The following B4GALNT3 variants were observed in gnomAD, a reference collection of about 807,000 sequenced individuals.
The protein encoded by B4GALNT3 is beta-1,4-N-acetylgalactosaminyltransferase 3.
Under a neutral mutation model 120.2 loss-of-function variants are expected in B4GALNT3, and 86 were observed. The observed-to-expected ratio is 0.72, with a 90% CI of 0.60 to 0.86. The LOEUF (loss-of-function observed/expected upper bound fraction) is 0.86. Among genes scored for constraint, B4GALNT3 ranks in the 40% least tolerant of loss-of-function variants. The pLI, the probability that B4GALNT3 is intolerant of heterozygous loss-of-function variation, is 0.00. For missense variants in B4GALNT3, 1,167 were observed against 1,298.9 expected (o/e 0.90, Z 1.56); for synonymous variants, 518 against 510.4 (o/e 1.01, Z -0.20).
intron 1 of B4GALNT3, among the ~76,000 whole-genome samples, chr12:481,649 G>A (rs1565590062): frequency 6.6e-6 from 1 of 152,204 alleles, no homozygotes. Context: ...GGTGGAGAGC[G>A]GAGCTAATTT....
rs1473050473 is a variant in B4GALNT3 at position 557,720 on chromosome 12, C to G, written c.2493C>G (p.Asp831Glu). The G allele has an allele frequency of 6.2e-7, 1 of 1,603,660 alleles. No homozygotes were observed. The highest frequency in any genetic ancestry group is 8.5e-7 in the Non-Finnish European group (1 of 1,176,968). The change falls in exon 16 of 20, where the codon GAC (aspartate) becomes GAG (glutamate). Residue 831 changes from aspartate to glutamate, a missense_variant. By Grantham distance (45) the Asp-to-Glu change is conservative. Coordinates refer to ENST00000266383, the MANE Select transcript of B4GALNT3 (RefSeq NM_173593.4). ...TCATCACTGACTATAGCAGTGAGGACATGGATGTTGAGATGGCACTGAAGA... is the reference window on the plus strand; with the variant it reads ...TCATCACTGACTATAGCAGTGAGGAGATGGATGTTGAGATGGCACTGAAGA... ...NIVITDYSSE[D>E]MDVEMALKRS...
At chr12:513,452 G>A (rs923574457) in intron 1 of B4GALNT3, among the ~76,000 whole-genome samples, 2 of 152,186 alleles carry the variant, frequency 1.3e-5, no homozygotes, top group Non-Finnish European at 2.9e-5. Context: ...TCCTGATGTC[G>A]CTGTGATGTT....
At chr12:493,447 A>T (rs1179608788) in intron 1 of B4GALNT3, among the ~76,000 whole-genome samples, 2 of 152,356 alleles carry the variant, frequency 1.3e-5, no homozygotes, top group African/African-American at 4.8e-5. Context: ...GAGCAACAGG[A>T]ACTCTCATTC....
rs111691445 is a variant in B4GALNT3, at chr12:511,292, GACCTTCC to G, written c.170-23859_170-23853del. Among the ~76,000 whole-genome samples, 49 of 32,196 alleles carry G rather than the reference GACCTTCC, an allele frequency of 1.5e-3. 7 individuals are homozygous for G. Among genetic ancestry groups the G allele is most frequent in the East Asian group, 8.6e-3 (9 of 1,050 alleles). 21.1% of individuals were successfully genotyped at this position (32,196 alleles called of 152,430 possible). A position where few individuals can be genotyped will look rare whatever the true frequency, so the allele number is the denominator to read the frequency against. Reference sequence around the variant, plus strand: ...CCACCTTCGACCTTCTTCCACCTTCGACCTTCCACCTTCCACCTTCCGCCTTCTGCCT... The same window carrying G: ...CCACCTTCGACCTTCTTCCACCTTCGACCTTCCACCTTCCGCCTTCTGCCT... On this transcript the variant is annotated intron_variant, in intron 1 of 19. Transcript: ENST00000266383.
At position 536,285 on chromosome 12, in the gene B4GALNT3, G is replaced by A; in HGVS notation, c.341G>A (p.Trp114Ter). 4 of 1,612,970 alleles carry A rather than the reference G, an allele frequency of 2.5e-6. No homozygotes were observed. The highest frequency in any genetic ancestry group is 2.5e-6 in the Non-Finnish European group (3 of 1,178,940). The change falls in exon 3 of 20, where the codon TGG becomes TAG. Residue 114 changes from tryptophan (W) to a stop codon, truncating the protein, a stop_gained. Coordinates refer to ENST00000266383, the MANE Select transcript of B4GALNT3 (RefSeq NM_173593.4). LOFTEE classifies it high-confidence loss of function. ...SYLKWNKPVP[W>*]LSEFRGRANL... ...TTGAAGTGGAACAAGCCTGTCCCCTGGCTCTCAGAGGTGAGGGACTTTCTA... is the reference window on the plus strand; with the variant it reads ...TTGAAGTGGAACAAGCCTGTCCCCTAGCTCTCAGAGGTGAGGGACTTTCTA...
chr12:482,001 T>G (rs1449235425), intron 1 of B4GALNT3, among the ~76,000 whole-genome samples: 1 of 151,248 alleles, frequency 6.6e-6, no homozygotes, highest in Non-Finnish European at 1.5e-5. Flanking sequence ...AAGAAAAGGG[T>G]GTCCCCAAAT....
chr12:554,568 A>G (rs1416249616), intron 14 of B4GALNT3, among the ~76,000 whole-genome samples: 7 of 151,920 alleles, frequency 4.6e-5, no homozygotes, highest in African/African-American at 1.7e-4. Flanking sequence ...AGGCGGGCGG[A>G]TCACGAGGTC....
At chr12:503,819 A>G (rs920991080) in intron 1 of B4GALNT3, among the ~76,000 whole-genome samples, 2 of 152,138 alleles carry the variant, frequency 1.3e-5, no homozygotes, top group African/African-American at 4.8e-5. Flanking sequence ...CCTTCTTCTT[A>G]AAAGTGTAAA....
chr12:535,443 C>G, intron 2 of B4GALNT3, among the ~76,000 whole-genome samples, 174 bp downstream of exon 2: 1 of 152,210 alleles, frequency 6.6e-6, no homozygotes, highest in East Asian at 1.9e-4. Context: ...TTAGAGATGT[C>G]CATCCAGCCT....
intron 1 of B4GALNT3, among the ~76,000 whole-genome samples, chr12:467,081 T>C (rs1293185392): frequency 6.6e-6 from 1 of 152,180 alleles, no homozygotes; most frequent in Non-Finnish European, 1.5e-5. Context: ...TGTGGTTCTT[T>C]TTTTATTAGC....
chr12:505,016 G>A (rs1480433800), intron 1 of B4GALNT3, among the ~76,000 whole-genome samples: 3 of 151,642 alleles, frequency 2.0e-5, no homozygotes, highest in African/African-American at 4.8e-5. Flanking sequence ...TCAGCCTCCC[G>A]AGTAGCTGGG....
chr12:504,868 G>A (rs141569368), intron 1 of B4GALNT3, among the ~76,000 whole-genome samples: 4,437 of 151,354 alleles, frequency 0.029, 63 homozygotes, highest in Middle Eastern at 0.048. Context: ...GTGTGAAAAT[G>A]TAGTCTTAAA....
intron 1 of B4GALNT3, among the ~76,000 whole-genome samples, chr12:498,286 C>G (rs747383074): frequency 6.6e-5 from 10 of 152,034 alleles, no homozygotes; most frequent in Non-Finnish European, 1.0e-4. Context: ...AGATGCTATC[C>G]CTCCCCAGCT....
Position 553,844 on chromosome 12 carries a change from C to G in B4GALNT3, c.1921C>G (p.Arg641Gly), listed in dbSNP as rs150169248. Residue 641 changes from arginine (R) to glycine (G), a missense_variant, in exon 14 of 20, where the codon CGG becomes GGG. By Grantham distance (125) the Arg-to-Gly change is moderately radical (BLOSUM62 -2). This residue lies in a region of B4GALNT3 where 983 missense variants were observed against 1,102.5 expected (regional missense o/e 0.89). Coordinates refer to ENST00000266383, the MANE Select transcript of B4GALNT3 (RefSeq NM_173593.4). ...VVNWDQTFSA[R>G]NLDFQALRTD... ...AAACTGGGACCAGACCTTCAGTGCC[C>G]GGAATCTCGACTTCCAAGCCCTGAG... 1 of 1,614,208 alleles carries G rather than the reference C, an allele frequency of 6.2e-7. No homozygotes were observed. The highest frequency in any genetic ancestry group is 8.5e-7 in the Non-Finnish European group (1 of 1,180,032).
At position 552,093 on chromosome 12, in the gene B4GALNT3, T is replaced by C. The variant is rs1947089836; in HGVS notation, c.1138T>C (p.Tyr380His). The C allele has an allele frequency of 6.2e-7, 1 of 1,612,708 alleles. No homozygotes were observed. The change falls in exon 12 of 20, where the codon TAT becomes CAT. Residue 380 changes from tyrosine (Y) to histidine (H), a missense_variant. This residue lies in a region of B4GALNT3 where 983 missense variants were observed against 1,102.5 expected (regional missense o/e 0.89). Transcript: ENST00000266383. ...TCTGTCTTTTGTTTACCCCAATGAC[T>C]ATACCCGCCTGAGCCACATGGAGAC... ...VHLSFVYPNDYTRLSHMETHN... is the reference protein window; with the variant it reads ...VHLSFVYPNDHTRLSHMETHN...
intron 1 of B4GALNT3, among the ~76,000 whole-genome samples, chr12:524,610 G>A (rs1946743815): frequency 6.7e-6 from 1 of 150,136 alleles, no homozygotes; most frequent in African/African-American, 2.4e-5. Flanking sequence ...AAACAAAAGG[G>A]TCTGTGTGAG....
rs1391007296 is a variant in B4GALNT3, at chr12:512,640, C to T, written c.170-22526C>T. Among the ~76,000 whole-genome samples the T allele has an allele frequency of 1.4e-4, 18 of 132,014 alleles. No individual in the cohort carries two copies. The East Asian group carries it at 3.7e-3, about 27-fold the overall frequency. The allele number at this position is 132,014 out of a possible 152,430, so 86.6% of individuals were successfully genotyped here. ...CTTCCGCCTTCCACCTTCCGCCTTC[C>T]ACCTTCCACCTTCCACCTTCTTCCA... On this transcript the variant is annotated intron_variant, in intron 1 of 19. Coordinates refer to ENST00000266383, the MANE Select transcript of B4GALNT3 (RefSeq NM_173593.4).
At chr12:512,144 ACCTTCCG>A (rs1207861599) in intron 1 of B4GALNT3, among the ~76,000 whole-genome samples, 24 of 41,386 alleles carry the variant, frequency 5.8e-4, no homozygotes, top group East Asian at 1.4e-3. Context: ...TCCACCTTCC[ACCTTCCG>A]CCTTCCGCCT....
At chr12:463,825 C>G (rs1020080247) in intron 1 of B4GALNT3, among the ~76,000 whole-genome samples, 8 of 152,122 alleles carry the variant, frequency 5.3e-5, no homozygotes, top group African/African-American at 1.9e-4. Context: ...GAATACTGAG[C>G]AGCTGAGTTT....
Sources: gnomAD v4.1 joint callset for allele counts (sites outside exome capture counted in the v4.1 genomes callset) on GRCh38, gnomAD v4.1.1 for gene constraint, gnomAD v4.1.1 regional missense constraint, MANE v1.5 for transcripts, NCBI Gene and HGNC (gene_info 2026-07-23, HGNC 2026-07-21) for gene names.